The following PLXND1 variants were observed in gnomAD, a reference collection of about 807,000 sequenced individuals.
PLXND1 encodes plexin D1, also known as plexin-D1.
A neutral mutation model predicts 197.7 loss-of-function variants in PLXND1; 54 were observed. That is an observed-to-expected ratio of 0.27 (90% CI 0.22 to 0.34). The LOEUF (loss-of-function observed/expected upper bound fraction) is 0.34, where lower values mean the gene tolerates loss of function less well. PLXND1 is among the 10% of genes least tolerant of loss of function. The pLI is 1.00. For synonymous variants in PLXND1, 1,180 were observed against 1,161.2 expected, an observed-to-expected ratio of 1.02 and a Z score of -0.33; for missense variants, 2,127 against 2,699.2, an observed-to-expected ratio of 0.79 and a Z score of 4.70.
At chr3:129,583,082 CA>C (rs1287328787) in intron 8 of PLXND1, among the ~76,000 whole-genome samples, 1 of 152,208 alleles carries the variant, frequency 6.6e-6, no homozygotes, top group Non-Finnish European at 1.5e-5. Context: ...ATATGGGCTC[CA>C]GGGGCAGAGG....
intron 7 of PLXND1, 125 bp downstream of exon 7, chr3:129,584,000 T>C: frequency 3.0e-6 from 2 of 669,726 alleles, no homozygotes; most frequent in East Asian, 2.7e-5. Flanking sequence ...AATGAACAAC[T>C]GAAGGGCCTG....
chr3:129,573,062 T>C (rs2085261400), intron 13 of PLXND1, 121 bp from the exon 14 acceptor site: 1 of 682,032 alleles, frequency 1.5e-6, no homozygotes, highest in Admixed American at 2.3e-5. Flanking sequence ...ATGTATAATT[T>C]ACCCCATCAG....
At chr3:129,573,548 G>A in intron 13 of PLXND1, 46 bp downstream of exon 13, 1 of 1,551,812 alleles carries the variant, frequency 6.4e-7, no homozygotes, top group East Asian at 2.2e-5. Context: ...CAGAGCAGAG[G>A]CTGGCACTGC....
intron 2 of PLXND1, among the ~76,000 whole-genome samples, chr3:129,587,444 C>T (rs557579059): frequency 5.3e-5 from 8 of 152,328 alleles, no homozygotes; most frequent in East Asian, 1.9e-4. Context: ...GGACCCTCTG[C>T]GTGTCCTCCT....
At chr3:129,560,602 CT>C in intron 30 of PLXND1, 86 bp downstream of exon 30, 1 of 1,146,710 alleles carries the variant, frequency 8.7e-7, no homozygotes, top group Non-Finnish European at 1.3e-6. Flanking sequence ...GCTGGGAGCA[CT>C]TTTCCCAAGA....
intron 11 of PLXND1, among the ~76,000 whole-genome samples, chr3:129,575,210 C>T (rs2085294667): frequency 6.6e-6 from 1 of 152,244 alleles, no homozygotes; most frequent in East Asian, 1.9e-4. Context: ...TCCTTACAAG[C>T]TCTGCAGAGG....
chr3:129,558,729 C>T lies in PLXND1; in HGVS notation c.5298-154G>A. The T allele has an allele frequency of 1.4e-6, 1 of 709,232 alleles. No individual in the cohort carries two copies. The highest frequency in any genetic ancestry group is 2.3e-6 in the Non-Finnish European group (1 of 433,646). 43.9% of individuals were successfully genotyped at this position (709,232 alleles called of 1,614,324 possible). ...CCTTTGGGAACCTTAGTTTGCCTAT[C>T]CCTGGCCAGCTGGGGTGCAGTGGGG... On this transcript the variant is annotated intron_variant, in intron 32 of 35. Transcript: ENST00000324093. This position sits in a 1 kb window ranked among gnomAD's most constrained non-coding sequence, Gnocchi z 4.1.
In PLXND1 at chr3:129,571,147, C is replaced by T; in HGVS notation, c.3493G>A (p.Gly1165Ser). The T allele has an allele frequency of 6.2e-7, 1 of 1,614,232 alleles. No homozygotes were observed. The highest frequency in any genetic ancestry group is 8.5e-7 in the Non-Finnish European group (1 of 1,180,032). Residue 1165 changes from glycine to serine, a missense_variant, in exon 18 of 36, where the codon GGC becomes AGC. Coordinates refer to ENST00000324093, the MANE Select transcript of PLXND1 (RefSeq NM_015103.3). Reference protein sequence around the residue: ...ELLDPEEAQRGSRFRLDYLPN... With the variant: ...ELLDPEEAQRSSRFRLDYLPN... ...AGGTAGTCCAGGCGGAACCTGCTGC[C>T]CCGCTGTGCCTCCTCGGGGTCCAGT... is the stretch of plus-strand genomic sequence containing the variant.
chr3:129,556,362 C>G lies in PLXND1; in HGVS notation c.5728G>C (p.Val1910Leu). Residue 1910 changes from valine to leucine, a missense_variant, in exon 36 of 36, where the codon GTG becomes CTG. This residue lies in a region of PLXND1 where 200 missense variants were observed against 303.3 expected (regional missense o/e 0.66). Transcript: ENST00000324093. ...ATGTTGTCCTCCATCAAAGCCACCA[C>G]CTGCTCAAACTTGTGCTGCAGTTGT... ...RTQLQHKFEQVVALMEDNIYE... is the reference protein window; with the variant it reads ...RTQLQHKFEQLVALMEDNIYE... 6.2e-7 allele frequency: 1 copy of G among 1,614,210 alleles called. No homozygotes were observed. The highest frequency in any genetic ancestry group is 8.5e-7 in the Non-Finnish European group (1 of 1,180,012).
chr3:129,599,941 T>A (rs1274525250), intron 1 of PLXND1, among the ~76,000 whole-genome samples: 2 of 152,210 alleles, frequency 1.3e-5, no homozygotes, highest in African/African-American at 4.8e-5. Context: ...TTTCCCCTTC[T>A]GTAAGCTGGG....
chr3:129,590,816 G>A (rs983543936), intron 1 of PLXND1, among the ~76,000 whole-genome samples: 13 of 152,192 alleles, frequency 8.5e-5, no homozygotes, highest in African/African-American at 2.9e-4. Context: ...ACGCCCCCAG[G>A]GCTGACCCAG....
Position 129,575,747 on chromosome 3 carries a change from C to A in PLXND1, c.2436+19G>T, listed in dbSNP as rs1383071172. The A allele has an allele frequency of 6.3e-7, 1 of 1,575,934 alleles. No individual in the cohort carries two copies. Among genetic ancestry groups the A allele is most frequent in the African/African-American group, 1.4e-5 (1 of 74,064 alleles). On this transcript the variant is annotated intron_variant, in intron 10 of 35. Transcript: ENST00000324093. ...AACGCAGGCCCGCCCTCCGCCCATG[C>A]TGGAGTCACCCCACTCACCACCACC...
intron 25 of PLXND1, among the ~76,000 whole-genome samples, chr3:129,564,185 AC>A (rs751568907): frequency 1.3e-5 from 2 of 151,720 alleles, no homozygotes; most frequent in East Asian, 1.9e-4. Flanking sequence ...CCACCCCACT[AC>A]CCCCTTCCCC....
chr3:129,574,437 G>A lies in PLXND1; in HGVS notation c.2584C>T (p.Arg862Cys), dbSNP rs1366719066. The A allele has an allele frequency of 2.5e-6, 4 of 1,613,018 alleles. No homozygotes were observed. The highest frequency in any genetic ancestry group is 2.2e-5 in the East Asian group (1 of 44,884). ...ATGCACAGGTGACCCAGGTCTTCGC[G>A]GCCCAGGCACTGGGAACAGTCGGGG... ...GSPDCSQCLG[R>C]EDLGHLCMWS... Residue 862 changes from arginine (R) to cysteine (C), a missense_variant, in exon 12 of 36, where the codon CGC (arginine) becomes TGC (cysteine). By Grantham distance (180) the Arg-to-Cys change is radical. Transcript: ENST00000324093.
intron 1 of PLXND1, among the ~76,000 whole-genome samples, chr3:129,602,741 T>C (rs989107491): frequency 6.6e-6 from 1 of 152,194 alleles, no homozygotes; most frequent in Non-Finnish European, 1.5e-5. Context: ...GTGCTAATAA[T>C]GTCCCTTAGA....
In PLXND1 at chr3:129,577,418, C is replaced by A. The variant is rs2085328794; in HGVS notation, c.2346+911G>T. On this transcript the variant is annotated intron_variant, in intron 9 of 35. Coordinates refer to ENST00000324093, the MANE Select transcript of PLXND1 (RefSeq NM_015103.3). This position sits in a 1 kb window ranked among gnomAD's most constrained non-coding sequence, Gnocchi z 5.0. Reference sequence around the variant, plus strand: ...AGCCATCCTGCCCACCCACCCAGCCCCCTGGCTGATCCTGGAGGCGCTTGC... The same window carrying A: ...AGCCATCCTGCCCACCCACCCAGCCACCTGGCTGATCCTGGAGGCGCTTGC... Among the ~76,000 whole-genome samples the A allele has an allele frequency of 2.6e-5, 4 of 152,090 alleles. 1 individual carries two copies. In the South Asian group the frequency reaches 8.3e-4, roughly 32 times the overall value.
chr3:129,563,428 C>T (rs1243437807), intron 25 of PLXND1, among the ~76,000 whole-genome samples, 188 bp from the exon 26 acceptor site: 1 of 152,230 alleles, frequency 6.6e-6, no homozygotes, highest in African/African-American at 2.4e-5. Context: ...ACACCACCAG[C>T]TGTGGGTGGG....
At chr3:129,589,921 GCCA>G (rs1351731473) in intron 1 of PLXND1, among the ~76,000 whole-genome samples, 1 of 152,136 alleles carries the variant, frequency 6.6e-6, no homozygotes, top group Admixed American at 6.5e-5. Flanking sequence ...ATGACCGGAG[GCCA>G]CCGTCAGCCT....
At chr3:129,589,310 T>TGCCCCCCCCCCCCCCCCCCCCCCCCCC in intron 2 of PLXND1, 41 bp downstream of exon 2, 6 of 501,290 alleles carry the variant, frequency 1.2e-5, no homozygotes, top group Non-Finnish European at 1.9e-5. Flanking sequence ...CAGGGGAGCC[T>TGCCCCCCCCCCCCCCCCCCCCCCCCCC]CCCACCCCCA....
Sources: allele counts gnomAD v4.1 joint callset (sites outside exome capture counted in the v4.1 genomes callset), GRCh38; gene constraint gnomAD v4.1.1; regional missense constraint gnomAD v4.1.1; non-coding constraint Gnocchi (gnomAD v3.1); transcripts MANE v1.5; gene names NCBI Gene and HGNC (gene_info 2026-07-23, HGNC 2026-07-21).